SPATA45: variants seen among roughly 807,000 people sequenced by gnomAD.
SPATA45 encodes the protein spermatogenesis-associated protein 45.
Under a neutral mutation model 7.0 loss-of-function variants are expected in SPATA45, and 5 were observed. The observed-to-expected ratio is 0.71, with a 90% confidence interval of 0.37 to 1.50. The LOEUF (loss-of-function observed/expected upper bound fraction) is 1.50, where lower values mean the gene tolerates loss of function less well. Ranked by LOEUF, SPATA45 falls within the 40% of genes most tolerant of loss-of-function variation. The pLI is 0.03. For missense variants in SPATA45, 111 were observed against 114.9 expected, an observed-to-expected ratio of 0.97 and a Z score of 0.16; for synonymous variants, 40 against 38.7, an observed-to-expected ratio of 1.03 and a Z score of -0.13.
At chr1:212,837,081 A>G (rs1010857144) in intron 1 of SPATA45, among the ~76,000 whole-genome samples, 1 of 148,090 alleles carries the variant, frequency 6.8e-6, no homozygotes, top group Admixed American at 6.7e-5. Context: ...AAATTATACT[A>G]TGCATTGTTT....
At chr1:212,841,829 C>A (rs1187661967) in intron 1 of SPATA45, among the ~76,000 whole-genome samples, 1 of 152,034 alleles carries the variant, frequency 6.6e-6, no homozygotes, top group East Asian at 1.9e-4. Context: ...GTGATCTTGG[C>A]TCACTACAGC....
At chr1:212,847,041 C>G (rs756636974) in intron 1 of SPATA45, among the ~76,000 whole-genome samples, 1 of 152,084 alleles carries the variant, frequency 6.6e-6, no homozygotes, top group African/African-American at 2.4e-5. Context: ...CAGGCACACA[C>G]CACCATGCCT....
chr1:212,846,848 G>A (rs1403794208), intron 1 of SPATA45, among the ~76,000 whole-genome samples: 2 of 152,198 alleles, frequency 1.3e-5, no homozygotes, highest in Admixed American at 6.6e-5. Context: ...TCAGTTGGGA[G>A]AGCATTAGAC....
intron 1 of SPATA45, among the ~76,000 whole-genome samples, chr1:212,844,414 C>T (rs1275044767): frequency 6.6e-6 from 1 of 152,158 alleles, no homozygotes; most frequent in African/African-American, 2.4e-5. Flanking sequence ...TCTGGCCTCC[C>T]ACATTATTCC....
intron 1 of SPATA45, among the ~76,000 whole-genome samples, chr1:212,845,623 T>C (rs868216410): frequency 4.6e-5 from 7 of 152,278 alleles, no homozygotes; most frequent in South Asian, 4.1e-4. Flanking sequence ...GGATAGAAGA[T>C]CTTCATTGAC....
rs1663651296 is a variant in SPATA45, at chr1:212,840,035, C to T, written c.-38-3848G>A. On this transcript the variant is annotated intron_variant, in intron 1 of 2. Coordinates refer to ENST00000332912, the MANE Select transcript of SPATA45 (RefSeq NM_001024601.3). Reference sequence around the variant, plus strand: ...ATTGTGAGAATTTTTCATGTCTTTACATATGTCATTAGTAATAAAAATGTA... The same window carrying T: ...ATTGTGAGAATTTTTCATGTCTTTATATATGTCATTAGTAATAAAAATGTA... Among the ~76,000 whole-genome samples the T allele has an allele frequency of 1.3e-5, 2 of 151,670 alleles. 1 individual carries two copies. Among genetic ancestry groups the T allele is most frequent in the Admixed American group, 1.3e-4 (2 of 15,226 alleles).
At chr1:212,840,852 T>C (rs932902018) in intron 1 of SPATA45, among the ~76,000 whole-genome samples, 6 of 152,044 alleles carry the variant, frequency 3.9e-5, no homozygotes, top group Non-Finnish European at 8.8e-5. Context: ...TCTCCTGACC[T>C]CTTGATCTGC....
chr1:212,841,659 G>A (rs1464624452), intron 1 of SPATA45, among the ~76,000 whole-genome samples: 33 of 133,124 alleles, frequency 2.5e-4, no homozygotes, highest in South Asian at 1.9e-3. Flanking sequence ...TTTCTTTTAA[G>A]AAGGAGTCTC....
At chr1:212,837,611 C>T (rs1395445230) in intron 1 of SPATA45, among the ~76,000 whole-genome samples, 3 of 150,682 alleles carry the variant, frequency 2.0e-5, no homozygotes, top group South Asian at 2.1e-4. Context: ...CCAGCCTGTG[C>T]GACAGTGTGA....
chr1:212,845,035 A>G (rs749911739), intron 1 of SPATA45, among the ~76,000 whole-genome samples: 1 of 152,020 alleles, frequency 6.6e-6, no homozygotes, highest in Admixed American at 6.6e-5. Context: ...CCACCTATCA[A>G]TCTCTTCCCA....
rs560081679 is a variant in SPATA45 at position 212,836,062 on chromosome 1, C to T, written c.88G>A (p.Glu30Lys). The T allele has an allele frequency of 1.2e-6, 2 of 1,610,702 alleles. No individual in the cohort carries two copies. Among genetic ancestry groups the T allele is most frequent in the South Asian group, 2.2e-5 (2 of 90,774 alleles). Reference sequence around the variant, plus strand: ...CTTCGTTCCACCAAGCAGTTGGATTCACGCTTTTTGTTTATCTCCTCCAGG... The same window carrying T: ...CTTCGTTCCACCAAGCAGTTGGATTTACGCTTTTTGTTTATCTCCTCCAGG... ...HLLEEINKKRESNCLVERSNQ... is the reference protein window; with the variant it reads ...HLLEEINKKRKSNCLVERSNQ... Residue 30 changes from glutamate (E) to lysine (K), a missense_variant, in exon 2 of 3, where the codon GAA becomes AAA. Glu to Lys is a moderately conservative substitution (Grantham distance 56). Transcript: ENST00000332912.
chr1:212,837,879 A>G (rs1663615700), intron 1 of SPATA45, among the ~76,000 whole-genome samples: 1 of 151,824 alleles, frequency 6.6e-6, no homozygotes. Flanking sequence ...CAGGATTTTT[A>G]AAAAGCCCAC....
chr1:212,836,818 T>TA (rs1321456257), intron 1 of SPATA45, among the ~76,000 whole-genome samples: 1 of 148,926 alleles, frequency 6.7e-6, no homozygotes, highest in African/African-American at 2.4e-5. Flanking sequence ...CCAGCTAATT[T>TA]TTTTTTTTTT....
rs116097232 is a variant in SPATA45, at chr1:212,834,929, C to T, written c.277+944G>A. 3.9e-3 allele frequency among the ~76,000 whole-genome samples: 591 copies of T among 151,716 alleles called. 12 individuals are homozygous for T. The highest frequency in any genetic ancestry group is 0.014 in the African/African-American group (562 of 41,514). ...ACAACTCTTATCAAAATGTGGTTCT[C>T]AGGCCATTGGCATCAGCATCACCTT... is the stretch of plus-strand genomic sequence containing the variant. On this transcript the variant is annotated intron_variant, in intron 2 of 2. Transcript: ENST00000332912.
chr1:212,847,044 C>T (rs1015447597), intron 1 of SPATA45, among the ~76,000 whole-genome samples: 5 of 152,044 alleles, frequency 3.3e-5, no homozygotes, highest in African/African-American at 1.2e-4. Context: ...GCACACACCA[C>T]CATGCCTGGC....
In SPATA45 at chr1:212,833,728, A is replaced by G. The variant is rs568763875; in HGVS notation, c.277+2145T>C. Among the ~76,000 whole-genome samples the G allele has an allele frequency of 1.3e-4, 20 of 151,760 alleles. No homozygotes were observed. In the South Asian group the frequency reaches 4.2e-3, roughly 32 times the overall value. On this transcript the variant is annotated intron_variant, in intron 2 of 2. Coordinates refer to ENST00000332912, the MANE Select transcript of SPATA45 (RefSeq NM_001024601.3). ...TTAAGGAAATGTTGTGGCTGGGTTCATCTGTCCAGATCACTGAAACTTTCT... is the reference window on the plus strand; with the variant it reads ...TTAAGGAAATGTTGTGGCTGGGTTCGTCTGTCCAGATCACTGAAACTTTCT...
chr1:212,833,055 G>A (rs6700410), intron 2 of SPATA45, among the ~76,000 whole-genome samples: 70,584 of 151,008 alleles, frequency 0.47, 17,797 homozygotes, highest in Non-Finnish European at 0.53. Flanking sequence ...AGGGATTATA[G>A]AGTGTTGAGG....
intron 2 of SPATA45, among the ~76,000 whole-genome samples, chr1:212,833,716 G>T (rs549872372): frequency 1.6e-4 from 25 of 151,572 alleles, no homozygotes; most frequent in Non-Finnish European, 3.2e-4. Context: ...AGGAAATGTT[G>T]TGGCTGGGTT....
At chr1:212,831,982 C>G (rs1466793003) in intron 2 of SPATA45, among the ~76,000 whole-genome samples, 1 of 150,012 alleles carries the variant, frequency 6.7e-6, no homozygotes, top group Non-Finnish European at 1.5e-5. Flanking sequence ...TAGCTCTTAC[C>G]CATTTATCAC....
Sources: allele counts gnomAD v4.1 joint callset (sites outside exome capture counted in the v4.1 genomes callset), GRCh38; gene constraint gnomAD v4.1.1; transcripts MANE v1.5; gene names NCBI Gene and HGNC (gene_info 2026-07-23, HGNC 2026-07-21).